SNX29: variants seen among roughly 807,000 people sequenced by gnomAD.
SNX29 encodes the protein sorting nexin-29.
In SNX29, 78 loss-of-function variants were observed where a neutral mutation model predicts 102.1. That is an observed-to-expected ratio of 0.76 (90% CI 0.64 to 0.92). The LOEUF (loss-of-function observed/expected upper bound fraction) is 0.92. Ranked by LOEUF, SNX29 falls within the 40% of genes least tolerant of loss-of-function variation. The pLI is 0.00. For synonymous variants in SNX29, 580 were observed against 414.5 expected (o/e 1.40, Z -4.85); for missense variants, 1,280 against 1,061.7 (o/e 1.21, Z -2.86).
intron 18 of SNX29, among the ~76,000 whole-genome samples, chr16:12,420,241 A>C (rs2084817430): frequency 6.6e-6 from 1 of 152,252 alleles, no homozygotes; most frequent in South Asian, 2.1e-4. Flanking sequence ...ATTAATACTT[A>C]CTGATGAATA....
intron 18 of SNX29, among the ~76,000 whole-genome samples, chr16:12,440,809 A>G (rs2085766277): frequency 6.6e-6 from 1 of 152,200 alleles, no homozygotes; most frequent in South Asian, 2.1e-4. Flanking sequence ...CATGGTGTAT[A>G]TGTACCACGT....
At chr16:12,297,988 G>C (rs2080038420) in intron 15 of SNX29, among the ~76,000 whole-genome samples, 1 of 152,166 alleles carries the variant, frequency 6.6e-6, no homozygotes, top group African/African-American at 2.4e-5. Context: ...TGGCCAACAT[G>C]GCAAAAGCCT....
chr16:12,242,621 CTCTTCTTCTCTTCTTCTTT>C (rs2078143756), intron 14 of SNX29, among the ~76,000 whole-genome samples: 2 of 148,968 alleles, frequency 1.3e-5, no homozygotes, highest in Non-Finnish European at 1.5e-5. Context: ...TCTTCTTCCT[CTCTTCTTCTCTTCTTCTTT>C]TCTTCTTGTC....
intron 14 of SNX29, among the ~76,000 whole-genome samples, chr16:12,225,089 C>G (rs546120697): frequency 1.3e-5 from 2 of 152,216 alleles, no homozygotes; most frequent in African/African-American, 4.8e-5. Flanking sequence ...CAAACAGTGC[C>G]TTTGGTATTG....
chr16:12,548,422 A>T (rs548024860), intron 20 of SNX29, among the ~76,000 whole-genome samples: 1 of 152,088 alleles, frequency 6.6e-6, no homozygotes, highest in Non-Finnish European at 1.5e-5. Context: ...CTGGCTCCCC[A>T]CTGTGCCACA....
chr16:12,043,147 C>T lies in SNX29; in HGVS notation c.428+70C>T, dbSNP rs1010156230. On this transcript the variant is annotated intron_variant, in intron 5 of 20. Coordinates refer to ENST00000566228, the MANE Select transcript of SNX29 (RefSeq NM_032167.5). ...GAAGATCTTGGAGTCTGGAATCAGA[C>T]CACCTGGATTTTCATCCTAGTTCCC... 8 of 1,567,724 alleles carry T rather than the reference C, an allele frequency of 5.1e-6. No homozygotes were observed. In the South Asian group the frequency reaches 6.9e-5, roughly 13 times the overall value.
At chr16:12,420,749 G>A (rs1229382396) in intron 18 of SNX29, among the ~76,000 whole-genome samples, 1 of 152,194 alleles carries the variant, frequency 6.6e-6, no homozygotes, top group Non-Finnish European at 1.5e-5. Context: ...GGTGAGATGA[G>A]ATGAAGAGGC....
intron 14 of SNX29, among the ~76,000 whole-genome samples, chr16:12,240,171 A>T (rs1030552581): frequency 6.6e-6 from 1 of 152,218 alleles, no homozygotes; most frequent in Non-Finnish European, 1.5e-5. Flanking sequence ...TATTACTGCC[A>T]TGGTGATCTT....
chr16:12,116,377 A>G (rs1332468226), intron 11 of SNX29, among the ~76,000 whole-genome samples: 1 of 152,224 alleles, frequency 6.6e-6, no homozygotes, highest in East Asian at 1.9e-4. Context: ...ATTCAGCTAT[A>G]AAAGGAATGA....
chr16:12,331,346 C>T (rs2081286672), intron 15 of SNX29, among the ~76,000 whole-genome samples: 1 of 152,232 alleles, frequency 6.6e-6, no homozygotes, highest in African/African-American at 2.4e-5. Flanking sequence ...GAAAAAGACA[C>T]AGAAGCTGTC....
At chr16:12,468,015 C>T (rs528594038) in intron 18 of SNX29, among the ~76,000 whole-genome samples, 2 of 152,144 alleles carry the variant, frequency 1.3e-5, no homozygotes, top group East Asian at 1.9e-4. Context: ...CCCTGGTCAC[C>T]TCCAGTATCG....
chr16:12,561,156 A>G (rs145053833), intron 20 of SNX29: 77 of 229,908 alleles, frequency 3.3e-4, no homozygotes, highest in East Asian at 3.3e-3. Context: ...CCTAGGAATG[A>G]ATTCAAAGGC....
At chr16:12,536,314 G>T (rs553558300) in intron 20 of SNX29, among the ~76,000 whole-genome samples, 45 of 152,222 alleles carry the variant, frequency 3.0e-4, no homozygotes, top group African/African-American at 1.1e-3. Context: ...AAGACAGGTT[G>T]AGAAATTACT....
chr16:12,360,711 C>T (rs2082277235), intron 16 of SNX29, among the ~76,000 whole-genome samples: 1 of 149,218 alleles, frequency 6.7e-6, no homozygotes, highest in Non-Finnish European at 1.5e-5. Context: ...TTCCCTAATT[C>T]CTGACAGCTC....
At chr16:12,460,494 C>G (rs2086732033) in intron 18 of SNX29, among the ~76,000 whole-genome samples, 1 of 152,134 alleles carries the variant, frequency 6.6e-6, no homozygotes, top group African/African-American at 2.4e-5. Flanking sequence ...CCCTGGCCAG[C>G]TCCTCTTCAT....
intron 15 of SNX29, among the ~76,000 whole-genome samples, chr16:12,345,959 C>G (rs987982662): frequency 3.9e-5 from 6 of 152,180 alleles, no homozygotes; most frequent in African/African-American, 1.2e-4. Context: ...GCACACAGTC[C>G]CGTCAGCTTC....
At chr16:12,211,871 TA>T (rs940340907) in intron 14 of SNX29, among the ~76,000 whole-genome samples, 7 of 152,206 alleles carry the variant, frequency 4.6e-5, no homozygotes, top group Non-Finnish European at 1.0e-4. Context: ...TAATCTCATT[TA>T]AAAAATACCT....
intron 13 of SNX29, among the ~76,000 whole-genome samples, chr16:12,152,700 A>G (rs1207087203): frequency 3.9e-5 from 6 of 152,244 alleles, no homozygotes; most frequent in Admixed American, 3.9e-4. Context: ...AACGCAGTAC[A>G]TACACCACAG....
chr16:12,006,206 A>AAATAAT (rs58638368), intron 3 of SNX29, among the ~76,000 whole-genome samples: 46,656 of 146,502 alleles, frequency 0.32, 7,996 homozygotes, highest in Non-Finnish European at 0.39. Flanking sequence ...CCTGTCTCTA[A>AAATAAT]AATAATAATA....
Sources: allele counts gnomAD v4.1 joint callset (sites outside exome capture counted in the v4.1 genomes callset), GRCh38; gene constraint gnomAD v4.1.1; transcripts MANE v1.5; gene names NCBI Gene and HGNC (gene_info 2026-07-23, HGNC 2026-07-21).